The following SUGCT variants were observed in gnomAD, a reference collection of about 807,000 sequenced individuals.
SUGCT encodes succinyl-CoA:glutarate CoA-transferase.
Under a neutral mutation model 55.0 loss-of-function variants are expected in SUGCT, and 41 were observed. The ratio of observed to expected loss-of-function variants is 0.74; its 90% CI spans 0.58 to 0.97. The LOEUF (loss-of-function observed/expected upper bound fraction) is 0.97. Among genes scored for constraint, SUGCT ranks in the 50% least tolerant of loss-of-function variants. The pLI is 0.00. For synonymous variants in SUGCT, 187 were observed against 200.4 expected, an observed-to-expected ratio of 0.93 and a Z score of 0.56; for missense variants, 568 against 547.8, an observed-to-expected ratio of 1.04 and a Z score of -0.37.
Position 40,521,081 on chromosome 7 carries a change from T to C in SUGCT, c.1089+24695T>C, listed in dbSNP as rs377192353. On this transcript the variant is annotated intron_variant, in intron 12 of 13. Coordinates refer to ENST00000335693, the MANE Select transcript of SUGCT (RefSeq NM_001193313.2). ...AATATGATAAAAGGAAAACTAGATATTGTCAGTGATATGGTTTGGATCTGT... is the reference window on the plus strand; with the variant it reads ...AATATGATAAAAGGAAAACTAGATACTGTCAGTGATATGGTTTGGATCTGT... Among the ~76,000 whole-genome samples the C allele has an allele frequency of 5.3e-5, 8 of 152,138 alleles. No homozygotes were observed. The South Asian group carries it at 1.5e-3, about 28-fold the overall frequency.
chr7:40,820,118 C>T lies in SUGCT; in HGVS notation c.1154-40198C>T, dbSNP rs374390725. On this transcript the variant is annotated intron_variant, in intron 13 of 13. Coordinates refer to ENST00000335693, the MANE Select transcript of SUGCT (RefSeq NM_001193313.2). ...GCTCTGTTCTGTTCTGTTCCATTGG[C>T]CTATATCTCTGTTTTGGTACCAGTA... 4.0e-5 allele frequency among the ~76,000 whole-genome samples: 6 copies of T among 151,572 alleles called. No homozygotes were observed. In the East Asian group the frequency reaches 7.8e-4, roughly 20 times the overall value.
chr7:40,387,263 C>T lies in SUGCT; in HGVS notation c.817-62024C>T, dbSNP rs73136960. Among the ~76,000 whole-genome samples, 503 of 152,256 alleles carry T rather than the reference C, an allele frequency of 3.3e-3. 2 individuals carry two copies. Among genetic ancestry groups the T allele is most frequent in the Non-Finnish European group, 5.7e-3 (388 of 68,008 alleles). On this transcript the variant is annotated intron_variant, in intron 9 of 13. Transcript: ENST00000335693. ...CCAAACGTAGGTATTATTCATCTCCCTTCAAAAATGAGTGATCTTGCCCTT... is the reference window on the plus strand; with the variant it reads ...CCAAACGTAGGTATTATTCATCTCCTTTCAAAAATGAGTGATCTTGCCCTT...
At chr7:40,749,385 G>C in intron 12 of SUGCT, 49 bp from the exon 13 acceptor site, 1 of 1,491,062 alleles carries the variant, frequency 6.7e-7, no homozygotes, top group Non-Finnish European at 9.4e-7. Context: ...TGCAATTGAA[G>C]ATGGTTTTAT....
intron 12 of SUGCT, among the ~76,000 whole-genome samples, chr7:40,569,164 A>C (rs1160061113): frequency 1.3e-5 from 2 of 152,172 alleles, no homozygotes; most frequent in African/African-American, 4.8e-5. Context: ...TGAAATATGA[A>C]TTAAGGGGGA....
intron 12 of SUGCT, among the ~76,000 whole-genome samples, chr7:40,553,069 A>C (rs1186399777): frequency 6.6e-6 from 1 of 152,212 alleles, no homozygotes; most frequent in East Asian, 1.9e-4. Context: ...AAAGTGTTCA[A>C]AATGGTAACA....
At chr7:40,676,500 TTTTG>T (rs1429601737) in intron 12 of SUGCT, among the ~76,000 whole-genome samples, 7 of 135,630 alleles carry the variant, frequency 5.2e-5, no homozygotes, top group South Asian at 2.2e-4. Flanking sequence ...CGGTTTTGTT[TTTTG>T]TTTTTTTTTT....
At chr7:40,693,215 G>T (rs1238785470) in intron 12 of SUGCT, among the ~76,000 whole-genome samples, 1 of 152,156 alleles carries the variant, frequency 6.6e-6, no homozygotes, top group Non-Finnish European at 1.5e-5. Flanking sequence ...CGTGATAGAA[G>T]TTTTTCAAGT....
At chr7:40,269,327 T>C (rs1192920897) in intron 7 of SUGCT, among the ~76,000 whole-genome samples, 1 of 151,994 alleles carries the variant, frequency 6.6e-6, no homozygotes, top group South Asian at 2.1e-4. Context: ...TATTTATTTA[T>C]TTATTTATTT....
At chr7:40,932,346 A>G in the SUGCT span, among the ~76,000 whole-genome samples, 1 of 152,134 alleles carries the variant, frequency 6.6e-6, no homozygotes, top group African/African-American at 2.4e-5. Flanking sequence ...ACTTCCAACT[A>G]TGTGGTCAAT....
chr7:40,517,234 T>C (rs1467850917), intron 12 of SUGCT, among the ~76,000 whole-genome samples: 1 of 151,872 alleles, frequency 6.6e-6, no homozygotes. Context: ...GCATTTTTTT[T>C]TTTTTCGATG....
At chr7:40,737,114 A>G (rs1438401239) in intron 12 of SUGCT, among the ~76,000 whole-genome samples, 2 of 152,056 alleles carry the variant, frequency 1.3e-5, no homozygotes, top group African/African-American at 4.8e-5. Flanking sequence ...GCGCAGGGGC[A>G]CTGCAGGATG....
rs571828254 is a variant in SUGCT at position 40,805,887 on chromosome 7, G to C, written c.1154-54429G>C. ...ACTTGGACTAAAATCATTTGTTTGT[G>C]TGTATGTGGAATGCCATCTATGGCA... On this transcript the variant is annotated intron_variant, in intron 13 of 13. Transcript: ENST00000335693. Among the ~76,000 whole-genome samples the C allele has an allele frequency of 1.3e-4, 20 of 152,318 alleles. No individual in the cohort carries two copies. In the South Asian group the frequency reaches 3.7e-3, roughly 28 times the overall value.
At chr7:41,004,076 A>T in the SUGCT span, among the ~76,000 whole-genome samples, 2 of 152,138 alleles carry the variant, frequency 1.3e-5, no homozygotes, top group African/African-American at 4.8e-5. Context: ...GGATCGCCCC[A>T]CTAAGGACAT....
intron 9 of SUGCT, among the ~76,000 whole-genome samples, chr7:40,391,525 A>G (rs1425828311): frequency 6.6e-6 from 1 of 152,222 alleles, no homozygotes. Flanking sequence ...CAACAGACAC[A>G]TGAAAAAATG....
At chr7:40,751,951 G>A (rs567608093) in intron 13 of SUGCT, among the ~76,000 whole-genome samples, 1 of 152,350 alleles carries the variant, frequency 6.6e-6, no homozygotes, top group South Asian at 2.1e-4. Context: ...CAGGAGGGAA[G>A]TATTATTTAC....
intron 13 of SUGCT, among the ~76,000 whole-genome samples, chr7:40,774,141 G>A (rs927531042): frequency 1.3e-5 from 2 of 151,960 alleles, no homozygotes; most frequent in African/African-American, 4.8e-5. Context: ...ATTGTGTAAA[G>A]CTTATGATTA....
chr7:41,013,180 A>G, the SUGCT span, among the ~76,000 whole-genome samples: 1 of 152,220 alleles, frequency 6.6e-6, no homozygotes, highest in Non-Finnish European at 1.5e-5. Flanking sequence ...TTCACTTCAA[A>G]CTGCGGAAAT....
intron 7 of SUGCT, among the ~76,000 whole-genome samples, chr7:40,243,350 G>T (rs1789593454): frequency 6.6e-6 from 1 of 151,776 alleles, no homozygotes; most frequent in Non-Finnish European, 1.5e-5. Flanking sequence ...TGTTGTATTA[G>T]GTACCATAAT....
intron 12 of SUGCT, among the ~76,000 whole-genome samples, chr7:40,603,386 A>G (rs995945426): frequency 2.0e-5 from 3 of 152,250 alleles, no homozygotes; most frequent in African/African-American, 7.2e-5. Flanking sequence ...CTTGATTTGA[A>G]GTAGTCTCTG....
Sources: allele counts gnomAD v4.1 joint callset (sites outside exome capture counted in the v4.1 genomes callset), GRCh38; gene constraint gnomAD v4.1.1; transcripts MANE v1.5; gene names NCBI Gene and HGNC (gene_info 2026-07-23, HGNC 2026-07-21).